CDC14A: variants seen among roughly 807,000 people sequenced by gnomAD.
The protein encoded by CDC14A is dual specificity protein phosphatase CDC14A.
A neutral mutation model predicts 74.4 loss-of-function variants in CDC14A; 53 were observed. That is an observed-to-expected ratio of 0.71 (90% CI 0.57 to 0.89). CDC14A has a LOEUF of 0.89. Ranked by LOEUF, CDC14A falls within the 40% of genes least tolerant of loss-of-function variation. The probability of loss-of-function intolerance (pLI) is 0.00; values close to 1 mark genes in which losing one functional copy is unlikely to be tolerated. For synonymous variants in CDC14A, 247 were observed against 258.4 expected (o/e 0.96, Z 0.43); for missense variants, 646 against 713.7 (o/e 0.91, Z 1.08).
At chr1:100,375,593 A>G (rs1441574087) in intron 2 of CDC14A, among the ~76,000 whole-genome samples, 2 of 152,234 alleles carry the variant, frequency 1.3e-5, no homozygotes, top group Non-Finnish European at 2.9e-5. Flanking sequence ...CAAAACCACA[A>G]TCAGATACCA....
chr1:100,369,325 T>A (rs915362379), intron 2 of CDC14A, among the ~76,000 whole-genome samples: 1 of 152,202 alleles, frequency 6.6e-6, no homozygotes, highest in African/African-American at 2.4e-5. Context: ...GCCAGGATGG[T>A]CTTGATCTCT....
At chr1:100,461,413 A>G (rs1459506413) in intron 8 of CDC14A, among the ~76,000 whole-genome samples, 1 of 149,334 alleles carries the variant, frequency 6.7e-6, no homozygotes, top group Non-Finnish European at 1.5e-5. Flanking sequence ...CCAAGCACAC[A>G]GCGTGGAAAC....
chr1:100,359,796 T>C (rs1252987706), intron 2 of CDC14A, among the ~76,000 whole-genome samples: 2 of 152,092 alleles, frequency 1.3e-5, no homozygotes, highest in Admixed American at 1.3e-4. Context: ...GGTGATTTTT[T>C]TTTTTAAGGT....
chr1:100,353,350 C>G (rs1651391908), intron 1 of CDC14A, among the ~76,000 whole-genome samples: 1 of 152,156 alleles, frequency 6.6e-6, no homozygotes. Flanking sequence ...TTCGGGACAC[C>G]CCCAACCACA....
chr1:100,506,341 C>T (rs1054869318), intron 15 of CDC14A, among the ~76,000 whole-genome samples: 2 of 152,144 alleles, frequency 1.3e-5, no homozygotes, highest in Non-Finnish European at 2.9e-5. Flanking sequence ...CTAAGGGATA[C>T]TAACTACATA....
At chr1:100,427,136 A>T (rs971632234) in intron 5 of CDC14A, among the ~76,000 whole-genome samples, 1 of 151,594 alleles carries the variant, frequency 6.6e-6, no homozygotes, top group Non-Finnish European at 1.5e-5. Flanking sequence ...CACCAGGTTT[A>T]AAAAAAAATC....
intron 5 of CDC14A, among the ~76,000 whole-genome samples, chr1:100,429,234 T>TAAATAAATAAAC (rs60569646): frequency 1.2e-3 from 183 of 146,498 alleles, no homozygotes; most frequent in African/African-American, 4.5e-3. Flanking sequence ...AATAAATAAA[T>TAAATAAATAAAC]ATAAAATAAA....
intron 7 of CDC14A, among the ~76,000 whole-genome samples, chr1:100,450,017 T>C (rs2101157443): frequency 6.6e-6 from 1 of 152,246 alleles, no homozygotes. Flanking sequence ...AGGTTTTTTT[T>C]TTTTGTTTCT....
chr1:100,452,011 C>T (rs192029540), intron 7 of CDC14A, among the ~76,000 whole-genome samples: 40 of 152,246 alleles, frequency 2.6e-4, no homozygotes, highest in Non-Finnish European at 5.0e-4. Context: ...TGTTGAATTG[C>T]GCTTCAAAAC....
At chr1:100,431,786 G>C (rs1216605422) in intron 5 of CDC14A, among the ~76,000 whole-genome samples, 1 of 151,860 alleles carries the variant, frequency 6.6e-6, no homozygotes, top group African/African-American at 2.4e-5. Context: ...GCAGTTTGAG[G>C]CTGCAGTGAG....
intron 2 of CDC14A, among the ~76,000 whole-genome samples, chr1:100,357,758 A>AAG (rs1209204964): frequency 1.3e-5 from 2 of 151,648 alleles, no homozygotes; most frequent in Non-Finnish European, 2.9e-5. Flanking sequence ...AAAAAAAAAA[A>AAG]AAAGAAAGAA....
chr1:100,494,170 C>T (rs949328776), intron 11 of CDC14A, among the ~76,000 whole-genome samples: 3 of 151,992 alleles, frequency 2.0e-5, no homozygotes, highest in African/African-American at 4.8e-5. Flanking sequence ...CTTTTTTCAT[C>T]GATAATAAGG....
intron 4 of CDC14A, among the ~76,000 whole-genome samples, chr1:100,411,255 A>AAC (rs1660667842): frequency 6.6e-6 from 1 of 152,174 alleles, no homozygotes; most frequent in African/African-American, 2.4e-5. Flanking sequence ...AGTGCAAGGG[A>AAC]ACACTGTTGT....
chr1:100,501,931 G>A lies in CDC14A; in HGVS notation c.1755+2669G>A, dbSNP rs538856785. Among the ~76,000 whole-genome samples the A allele has an allele frequency of 2.0e-5, 3 of 152,254 alleles. No individual in the cohort carries two copies. The East Asian group carries it at 5.8e-4, about 29-fold the overall frequency. ...AAAATAAAAAAAATAGGATAAGGAT[G>A]TAAAGGAAGAAAATACTTGGTACAG... On this transcript the variant is annotated intron_variant, in intron 15 of 15. Coordinates refer to ENST00000336454, the MANE Select transcript of CDC14A (RefSeq NM_003672.4).
At chr1:100,348,049 C>T (rs61811378), upstream of CDC14A, among the ~76,000 whole-genome samples, 832 of 152,082 alleles carry the variant, frequency 5.5e-3, 4 homozygotes, top group South Asian at 0.011. Flanking sequence ...TTTGGGAGGG[C>T]GAGGTGGGCG....
At chr1:100,392,281 G>C (rs918736936) in intron 4 of CDC14A, among the ~76,000 whole-genome samples, 6 of 152,158 alleles carry the variant, frequency 3.9e-5, no homozygotes, top group African/African-American at 1.4e-4. Context: ...ATTGATGATT[G>C]ACACTGTGAT....
intron 15 of CDC14A, among the ~76,000 whole-genome samples, chr1:100,505,402 A>G (rs1352605358): frequency 1.3e-5 from 2 of 152,234 alleles, no homozygotes; most frequent in Non-Finnish European, 2.9e-5. Flanking sequence ...GTGTTCTAAC[A>G]TCAGGCAGAA....
At chr1:100,367,268 T>G (rs1653762311) in intron 2 of CDC14A, among the ~76,000 whole-genome samples, 1 of 152,248 alleles carries the variant, frequency 6.6e-6, no homozygotes, top group Admixed American at 6.5e-5. Flanking sequence ...CTAGCACATT[T>G]GATTATTTTC....
At chr1:100,467,813 A>T in intron 9 of CDC14A, 143 bp from the exon 10 acceptor site, 1 of 774,592 alleles carries the variant, frequency 1.3e-6, no homozygotes, top group Non-Finnish European at 1.9e-6. Flanking sequence ...TGGGTTTTAC[A>T]TGATAGCAGT....
Sources: gnomAD v4.1 joint callset for allele counts (sites outside exome capture counted in the v4.1 genomes callset) on GRCh38, gnomAD v4.1.1 for gene constraint, MANE v1.5 for transcripts, NCBI Gene and HGNC (gene_info 2026-07-23, HGNC 2026-07-21) for gene names.